Variants in MYO16 observed in about 807,000 individuals in gnomAD.
The protein encoded by MYO16 is unconventional myosin-XVI.
MYO16 carries 94 observed loss-of-function variants against 205.3 expected under a neutral mutation model. The ratio of observed to expected loss-of-function variants is 0.46; its 90% CI spans 0.39 to 0.54. MYO16 has a LOEUF of 0.54. Among genes scored for constraint, MYO16 ranks in the 20% least tolerant of loss-of-function variants. MYO16 has a pLI of 0.00. For missense variants in MYO16, 2,315 were observed against 2,387.5 expected (o/e 0.97, Z 0.63); for synonymous variants, 988 against 954.0 (o/e 1.04, Z -0.66).
chr13:109,153,719 A>C (rs1481992225), intron 32 of MYO16, among the ~76,000 whole-genome samples: 1 of 152,182 alleles, frequency 6.6e-6, no homozygotes, highest in Non-Finnish European at 1.5e-5. Flanking sequence ...AGACTGCAGC[A>C]CTGCACTCCA....
In MYO16 at chr13:108,911,066, C is replaced by CACACAGAG. The variant is rs59417999; in HGVS notation, c.1925+917_1925+918insCACAGAGA. On this transcript the variant is annotated intron_variant, in intron 16 of 34. Transcript: ENST00000457511. Reference sequence around the variant, plus strand: ...ACACACACACACACACACACACACACAGAGAGAGAGAAGGGTTGCTTCACT... The same window carrying CACACAGAG: ...ACACACACACACACACACACACACACACACAGAGAGAGAGAGAGAAGGGTTGCTTCACT... Among the ~76,000 whole-genome samples the CACACAGAG allele has an allele frequency of 5.2e-3, 743 of 143,114 alleles. 3 individuals carry two copies. Among genetic ancestry groups the CACACAGAG allele is most frequent in the South Asian group, 0.015 (64 of 4,264 alleles). The allele number at this position is 143,114 out of a possible 152,430, so 93.9% of individuals were successfully genotyped here.
intron 1 of MYO16, among the ~76,000 whole-genome samples, chr13:108,664,634 C>G (rs1182896551): frequency 6.6e-6 from 1 of 152,148 alleles, no homozygotes; most frequent in Non-Finnish European, 1.5e-5. Context: ...TTTGTGCATG[C>G]ATAGTTACTT....
At chr13:108,892,418 T>G (rs949423471) in intron 14 of MYO16, among the ~76,000 whole-genome samples, 2 of 152,068 alleles carry the variant, frequency 1.3e-5, no homozygotes, top group African/African-American at 4.8e-5. Flanking sequence ...TTTTGTAGTT[T>G]TTAGTAGAGA....
intron 2 of MYO16, among the ~76,000 whole-genome samples, chr13:108,673,563 G>A (rs372362611): frequency 2.6e-5 from 4 of 152,012 alleles, no homozygotes; most frequent in East Asian, 1.9e-4. Context: ...ATATCAAAAT[G>A]TAACACTGGG....
intron 27 of MYO16, among the ~76,000 whole-genome samples, chr13:109,081,673 G>A (rs1594067959): frequency 1.3e-5 from 2 of 152,042 alleles, no homozygotes; most frequent in African/African-American, 4.8e-5. Context: ...AGTTTAATAT[G>A]AAAAAAGGGA....
intron 22 of MYO16, among the ~76,000 whole-genome samples, chr13:109,017,120 G>A (rs1393502372): frequency 1.3e-5 from 2 of 152,162 alleles, no homozygotes; most frequent in Non-Finnish European, 2.9e-5. Flanking sequence ...TCCTTTCCAT[G>A]TTTAGTGCTT....
At chr13:109,072,724 C>G (rs1035990188) in intron 27 of MYO16, among the ~76,000 whole-genome samples, 1 of 152,084 alleles carries the variant, frequency 6.6e-6, no homozygotes, top group African/African-American at 2.4e-5. Flanking sequence ...GGAGTTGGGC[C>G]TGTGCAGTAG....
chr13:108,802,521 T>C (rs1470233840), intron 6 of MYO16, among the ~76,000 whole-genome samples: 1 of 152,234 alleles, frequency 6.6e-6, no homozygotes, highest in Non-Finnish European at 1.5e-5. Flanking sequence ...CTATTATGAA[T>C]AGTGCTGCAG....
intron 2 of MYO16, among the ~76,000 whole-genome samples, chr13:108,680,694 G>A (rs781743388): frequency 4.6e-5 from 7 of 152,162 alleles, no homozygotes; most frequent in Non-Finnish European, 7.4e-5. Context: ...GGACAAGGAG[G>A]CATAAGGTTG....
chr13:109,046,909 A>T lies in MYO16; in HGVS notation c.2797-7A>T. The T allele has an allele frequency of 1.3e-6, 2 of 1,596,750 alleles. No individual in the cohort carries two copies. Among genetic ancestry groups the T allele is most frequent in the Non-Finnish European group, 1.7e-6 (2 of 1,164,950 alleles). On this transcript the variant is annotated splice_polypyrimidine_tract_variant and splice_region_variant and intron_variant, in intron 23 of 34. Coordinates refer to ENST00000457511, the MANE Select transcript of MYO16 (RefSeq NM_001198950.3). ...ATTAGTAATTATGCTGCTTTCTTTTATTCTAGGTAATGTATGATGTTGTTG... is the reference window on the plus strand; with the variant it reads ...ATTAGTAATTATGCTGCTTTCTTTTTTTCTAGGTAATGTATGATGTTGTTG...
At chr13:109,053,266 T>C (rs966771293) in intron 25 of MYO16, among the ~76,000 whole-genome samples, 8 of 152,060 alleles carry the variant, frequency 5.3e-5, no homozygotes, top group Non-Finnish European at 7.4e-5. Context: ...AAAAGCATAA[T>C]TAAATTCAAT....
chr13:108,766,800 T>C (rs1885790649), intron 4 of MYO16, among the ~76,000 whole-genome samples: 1 of 152,188 alleles, frequency 6.6e-6, no homozygotes, highest in African/African-American at 2.4e-5. Context: ...TTTGGCCTGA[T>C]TCATTTGAAG....
At chr13:109,079,969 G>A (rs949940030) in intron 27 of MYO16, among the ~76,000 whole-genome samples, 1 of 147,600 alleles carries the variant, frequency 6.8e-6, no homozygotes, top group Non-Finnish European at 1.5e-5. Flanking sequence ...TCCACCTCCC[G>A]GGTTCAAGCG....
intron 27 of MYO16, among the ~76,000 whole-genome samples, chr13:109,094,909 T>G (rs1182289483): frequency 2.0e-5 from 3 of 147,956 alleles, no homozygotes; most frequent in Non-Finnish European, 4.5e-5. Flanking sequence ...CTGATGGGCA[T>G]TTGGGTTGGT....
At chr13:109,119,319 CAT>C (rs1875873627) in intron 28 of MYO16, among the ~76,000 whole-genome samples, 2 of 152,206 alleles carry the variant, frequency 1.3e-5, no homozygotes, top group South Asian at 4.1e-4. Flanking sequence ...TGAGAGCACA[CAT>C]GTTAGACTTC....
intron 3 of MYO16, among the ~76,000 whole-genome samples, chr13:108,716,505 T>C (rs1883950472): frequency 6.6e-6 from 1 of 152,234 alleles, no homozygotes; most frequent in Admixed American, 6.5e-5. Context: ...AGTCTCCTTT[T>C]CCTGGGGTTA....
chr13:108,789,894 A>T (rs1886565986), intron 5 of MYO16, among the ~76,000 whole-genome samples: 1 of 152,208 alleles, frequency 6.6e-6, no homozygotes, highest in Non-Finnish European at 1.5e-5. Flanking sequence ...AATGAATAAA[A>T]ATAAGGCATA....
At chr13:108,693,777 G>C (rs1233510652) in intron 2 of MYO16, among the ~76,000 whole-genome samples, 3 of 152,096 alleles carry the variant, frequency 2.0e-5, no homozygotes, top group African/African-American at 7.2e-5. Context: ...TCATGTCATG[G>C]GAGTTTGTTA....
chr13:108,902,221 C>T (rs1000596893), intron 15 of MYO16, among the ~76,000 whole-genome samples: 4 of 152,188 alleles, frequency 2.6e-5, no homozygotes, highest in South Asian at 2.1e-4. Flanking sequence ...ACGTCTGCCA[C>T]GCACTCTCTC....
Sources: gnomAD v4.1 joint callset for allele counts (sites outside exome capture counted in the v4.1 genomes callset) on GRCh38, gnomAD v4.1.1 for gene constraint, MANE v1.5 for transcripts, NCBI Gene and HGNC (gene_info 2026-07-23, HGNC 2026-07-21) for gene names.